The following ZSWIM6 variants were observed in gnomAD, a reference collection of about 807,000 sequenced individuals.
The protein encoded by ZSWIM6 is zinc finger SWIM-type containing 6.
ZSWIM6 carries 9 observed loss-of-function variants against 113.2 expected under a neutral mutation model. The observed-to-expected ratio is 0.08, with a 90% confidence interval of 0.05 to 0.14. The LOEUF is 0.14. Ranked by LOEUF, ZSWIM6 falls within the 10% of genes least tolerant of loss-of-function variation. ZSWIM6 has a pLI of 1.00. For synonymous variants in ZSWIM6, 611 were observed against 606.5 expected (o/e 1.01, Z -0.11); for missense variants, 1,162 against 1,552.2 (o/e 0.75, Z 4.22).
chr5:61,490,122 T>C (rs1748139454), intron 2 of ZSWIM6, among the ~76,000 whole-genome samples: 1 of 152,090 alleles, frequency 6.6e-6, no homozygotes. Flanking sequence ...TGGGTAGTTT[T>C]TTAATTTCTA....
intron 1 of ZSWIM6, among the ~76,000 whole-genome samples, chr5:61,376,822 G>A (rs1167950761): frequency 6.9e-6 from 1 of 145,928 alleles, no homozygotes; most frequent in Non-Finnish European, 1.5e-5. Flanking sequence ...GCAATGTTTA[G>A]CTTTTGTTAA....
At chr5:61,405,786 G>A (rs1448187212) in intron 1 of ZSWIM6, among the ~76,000 whole-genome samples, 1 of 152,202 alleles carries the variant, frequency 6.6e-6, no homozygotes, top group African/African-American at 2.4e-5. Context: ...TTTCTATATG[G>A]AAAGGGGCTC....
intron 1 of ZSWIM6, among the ~76,000 whole-genome samples, chr5:61,344,024 G>A (rs1044420651): frequency 3.9e-5 from 6 of 152,008 alleles, no homozygotes; most frequent in African/African-American, 1.5e-4. Context: ...CTCCTGAGAA[G>A]CTGGGATTAC....
chr5:61,543,373 C>A lies in ZSWIM6; in HGVS notation c.2786-82C>A, dbSNP rs1329746946. The A allele has an allele frequency of 1.4e-6, 2 of 1,447,892 alleles. No individual in the cohort carries two copies. Among genetic ancestry groups the A allele is most frequent in the Non-Finnish European group, 1.8e-6 (2 of 1,092,634 alleles). 89.7% of individuals were successfully genotyped at this position (1,447,892 alleles called of 1,614,324 possible). Reference sequence around the variant, plus strand: ...GTCCTATGATGGTTAACAATGTAAACACTGGTTGTAAAAGTCAAAATAAGG... The same window carrying A: ...GTCCTATGATGGTTAACAATGTAAAAACTGGTTGTAAAAGTCAAAATAAGG... On this transcript the variant is annotated intron_variant, in intron 13 of 13. Transcript: ENST00000252744. This position sits in a 1 kb window ranked among gnomAD's most constrained non-coding sequence, Gnocchi z 4.3.
At chr5:61,397,576 C>CTTTA (rs763680267) in intron 1 of ZSWIM6, among the ~76,000 whole-genome samples, 22 of 152,004 alleles carry the variant, frequency 1.4e-4, no homozygotes, top group South Asian at 2.1e-4. Flanking sequence ...AGGCAGTTTA[C>CTTTA]TTTGTTTTAA....
chr5:61,485,869 CTTT>C (rs1748005113), intron 2 of ZSWIM6, among the ~76,000 whole-genome samples: 1 of 152,146 alleles, frequency 6.6e-6, no homozygotes, highest in Non-Finnish European at 1.5e-5. Flanking sequence ...TACTTGTACT[CTTT>C]AAAATGTCCT....
intron 1 of ZSWIM6, among the ~76,000 whole-genome samples, chr5:61,374,412 A>G (rs990031624): frequency 1.3e-5 from 2 of 152,214 alleles, no homozygotes; most frequent in African/African-American, 4.8e-5. Flanking sequence ...AGGGAGGTTA[A>G]TGCCAAATAC....
Position 61,472,866 on chromosome 5 carries a change from C to G in ZSWIM6, c.862C>G (p.Gln288Glu). The G allele has an allele frequency of 6.4e-7, 1 of 1,551,702 alleles. No homozygotes were observed. Among genetic ancestry groups the G allele is most frequent in the Non-Finnish European group, 8.7e-7 (1 of 1,146,966 alleles). The change falls in exon 2 of 14, where the codon CAG becomes GAG. Residue 288 changes from glutamine to glutamate, a missense_variant. Gln to Glu is a conservative substitution (Grantham distance 29). Coordinates refer to ENST00000252744, the MANE Select transcript of ZSWIM6 (RefSeq NM_020928.2). The surrounding 1 kb of genome is among the most constrained non-coding windows in gnomAD (Gnocchi z 4.1). ...TTTATACCGCATCCGCAAGCCAGAT[C>G]AGGTCAAACTGCATCTTCCTATTTC... ...LSLYRIRKPD[Q>E]VKLHLPISET...
intron 1 of ZSWIM6, among the ~76,000 whole-genome samples, chr5:61,401,069 G>A (rs1232060661): frequency 6.6e-6 from 1 of 152,154 alleles, no homozygotes; most frequent in Admixed American, 6.5e-5. Context: ...GTTTGGATTA[G>A]TGGTGTTAGC....
chr5:61,436,328 A>G (rs1746706903), intron 1 of ZSWIM6, among the ~76,000 whole-genome samples: 1 of 152,176 alleles, frequency 6.6e-6, no homozygotes, highest in Non-Finnish European at 1.5e-5. Context: ...TAAATTTTAC[A>G]TATTGAAAGT....
intron 1 of ZSWIM6, among the ~76,000 whole-genome samples, chr5:61,394,410 T>C (rs1745796278): frequency 6.6e-6 from 1 of 152,242 alleles, no homozygotes; most frequent in Non-Finnish European, 1.5e-5. Flanking sequence ...ACCCCCAGCA[T>C]GGGAAGAATT....
intron 1 of ZSWIM6, among the ~76,000 whole-genome samples, chr5:61,337,660 A>G (rs887235009): frequency 2.0e-5 from 3 of 152,250 alleles, no homozygotes; most frequent in African/African-American, 7.2e-5. Context: ...GATGACCAGA[A>G]TATTTTAAAA....
chr5:61,436,502 A>G (rs937432758), intron 1 of ZSWIM6, among the ~76,000 whole-genome samples: 2 of 152,162 alleles, frequency 1.3e-5, no homozygotes, highest in African/African-American at 2.4e-5. Context: ...TCACTTATTT[A>G]TGGAAGCCCT....
At chr5:61,367,067 GT>G (rs1745173858) in intron 1 of ZSWIM6, among the ~76,000 whole-genome samples, 1 of 152,092 alleles carries the variant, frequency 6.6e-6, no homozygotes, top group Non-Finnish European at 1.5e-5. Flanking sequence ...AACAAGAGCA[GT>G]TTGAGGCCAT....
At chr5:61,361,705 C>T (rs946832989) in intron 1 of ZSWIM6, among the ~76,000 whole-genome samples, 8 of 152,146 alleles carry the variant, frequency 5.3e-5, no homozygotes, top group South Asian at 2.1e-4. Context: ...TGGCTTGTAA[C>T]GACAGGGGCT....
chr5:61,391,582 C>T (rs574682362), intron 1 of ZSWIM6: 11 of 913,258 alleles, frequency 1.2e-5, no homozygotes, highest in Admixed American at 5.1e-5. Flanking sequence ...CTGGAGGCCT[C>T]GAGGGGTTTC....
chr5:61,539,667 A>C lies in ZSWIM6; in HGVS notation c.2611A>C (p.Lys871Gln). 6.4e-7 allele frequency: 1 copy of C among 1,551,944 alleles called. No homozygotes were observed. The highest frequency in any genetic ancestry group is 8.7e-7 in the Non-Finnish European group (1 of 1,147,038). The change falls in exon 12 of 14, where the codon AAG becomes CAG. Residue 871 changes from lysine (K) to glutamine (Q), a missense_variant. Coordinates refer to ENST00000252744, the MANE Select transcript of ZSWIM6 (RefSeq NM_020928.2). ...KNIHSSSHIFKLAQDAFKIAT... is the reference protein window; with the variant it reads ...KNIHSSSHIFQLAQDAFKIAT... ...CATTCACTCCTCATCACACATCTTC[A>C]AGCTTGCCCAAGATGCATTTAAAAT...
chr5:61,391,929 C>T, intron 1 of ZSWIM6: 1 of 548,296 alleles, frequency 1.8e-6, no homozygotes, highest in Non-Finnish European at 3.2e-6. Context: ...CTTTTTGAGC[C>T]AGGGATCCTC....
At chr5:61,403,910 T>C (rs1454670201) in intron 1 of ZSWIM6, among the ~76,000 whole-genome samples, 4 of 152,236 alleles carry the variant, frequency 2.6e-5, no homozygotes, top group Non-Finnish European at 4.4e-5. Flanking sequence ...TTTGAGTAGC[T>C]TTCCTTGGAT....
Sources: allele counts gnomAD v4.1 joint callset (sites outside exome capture counted in the v4.1 genomes callset), GRCh38; gene constraint gnomAD v4.1.1; non-coding constraint Gnocchi (gnomAD v3.1); transcripts MANE v1.5; gene names NCBI Gene and HGNC (gene_info 2026-07-23, HGNC 2026-07-21).